NCKAP5: variants seen among roughly 807,000 people sequenced by gnomAD.
The protein encoded by NCKAP5 is NCK associated protein 5.
NCKAP5 carries 92 observed loss-of-function variants against 167.0 expected under a neutral mutation model. That is an observed-to-expected ratio of 0.55 (90% CI 0.47 to 0.66). The LOEUF is 0.66. Ranked by LOEUF, NCKAP5 falls within the 30% of genes least tolerant of loss-of-function variation. The pLI is 0.00. For synonymous variants in NCKAP5, 891 were observed against 877.4 expected, an observed-to-expected ratio of 1.02 and a Z score of -0.27; for missense variants, 2,378 against 2,315.0, an observed-to-expected ratio of 1.03 and a Z score of -0.56.
chr2:133,457,135 G>C (rs1691909238), intron 3 of NCKAP5, among the ~76,000 whole-genome samples: 1 of 152,150 alleles, frequency 6.6e-6, no homozygotes, highest in African/African-American at 2.4e-5. Context: ...GATTCCATCT[G>C]ACAAACTGAT....
chr2:132,813,440 G>A (rs540476234), intron 11 of NCKAP5, among the ~76,000 whole-genome samples: 14 of 152,194 alleles, frequency 9.2e-5, no homozygotes, highest in Admixed American at 7.2e-4. Flanking sequence ...TGTAGACACA[G>A]TGGACATTCA....
At chr2:132,990,404 C>T (rs1432947514) in intron 7 of NCKAP5, among the ~76,000 whole-genome samples, 1 of 152,216 alleles carries the variant, frequency 6.6e-6, no homozygotes, top group Non-Finnish European at 1.5e-5. Flanking sequence ...AGACCAATAT[C>T]TTCTGGGTAC....
chr2:133,389,544 G>C (rs190973731), intron 3 of NCKAP5, among the ~76,000 whole-genome samples: 4 of 152,314 alleles, frequency 2.6e-5, no homozygotes, highest in African/African-American at 7.2e-5. Flanking sequence ...ACATGGAAGA[G>C]CAGAAAACAA....
intron 5 of NCKAP5, among the ~76,000 whole-genome samples, chr2:133,210,176 A>AAT (rs2086146010): frequency 1.3e-5 from 2 of 148,256 alleles, no homozygotes; most frequent in Non-Finnish European, 3.0e-5. Flanking sequence ...AAAAATAAAT[A>AAT]ATATAATATA....
At chr2:133,176,293 T>G (rs1321913998) in intron 5 of NCKAP5, among the ~76,000 whole-genome samples, 1 of 152,222 alleles carries the variant, frequency 6.6e-6, no homozygotes, top group Non-Finnish European at 1.5e-5. Context: ...TATAAATGAA[T>G]TGCCATAACA....
At chr2:132,861,614 T>G (rs1024832957) in intron 10 of NCKAP5, among the ~76,000 whole-genome samples, 15 of 152,168 alleles carry the variant, frequency 9.9e-5, no homozygotes, top group Non-Finnish European at 2.2e-4. Context: ...CCACTGCCAC[T>G]TTTCCTTCTT....
the NCKAP5 span, among the ~76,000 whole-genome samples, chr2:133,658,064 C>T: frequency 3.3e-5 from 5 of 152,122 alleles, no homozygotes; most frequent in African/African-American, 9.7e-5. Context: ...GCTCATAGCC[C>T]TCCCCTAACA....
chr2:133,323,611 G>A (rs1682221459), intron 3 of NCKAP5, among the ~76,000 whole-genome samples: 1 of 152,206 alleles, frequency 6.6e-6, no homozygotes, highest in African/African-American at 2.4e-5. Context: ...GCTCTCATTA[G>A]TGCCAACTGC....
intron 11 of NCKAP5, among the ~76,000 whole-genome samples, chr2:132,819,418 T>C (rs556412948): frequency 1.3e-5 from 2 of 152,324 alleles, no homozygotes; most frequent in East Asian, 1.9e-4. Context: ...ATTTTAGCCC[T>C]GTGGTGAGCT....
intron 9 of NCKAP5, among the ~76,000 whole-genome samples, 192 bp downstream of exon 9, chr2:132,878,646 ACACACACACG>A (rs1468865370): frequency 8.2e-5 from 4 of 48,766 alleles, no homozygotes; most frequent in African/African-American, 2.2e-4. Flanking sequence ...ACACACACAC[ACACACACACG>A]CACGCATACA....
intron 16 of NCKAP5, among the ~76,000 whole-genome samples, chr2:132,754,445 A>G (rs1347915230): frequency 1.3e-5 from 2 of 152,362 alleles, no homozygotes; most frequent in Middle Eastern, 3.4e-3. Context: ...AGTCATGTTT[A>G]TATCTTCTGT....
intron 6 of NCKAP5, among the ~76,000 whole-genome samples, chr2:133,087,837 T>G (rs2081042874): frequency 6.6e-6 from 1 of 152,232 alleles, no homozygotes; most frequent in Admixed American, 6.5e-5. Flanking sequence ...TTCACTGCTT[T>G]TCACAACAAA....
chr2:133,213,613 T>C, intron 5 of NCKAP5, 103 bp downstream of exon 5: 1 of 1,114,896 alleles, frequency 9.0e-7, no homozygotes, highest in Non-Finnish European at 1.3e-6. Context: ...TTAAGTTTGC[T>C]GCAAGCAAAT....
At chr2:133,619,510 CT>C in the NCKAP5 span, among the ~76,000 whole-genome samples, 5,902 of 151,684 alleles carry the variant, frequency 0.039, 398 homozygotes, top group African/African-American at 0.14. Context: ...GAAGACAAGG[CT>C]TTTGAATTAA....
intron 5 of NCKAP5, among the ~76,000 whole-genome samples, chr2:133,194,044 G>A (rs892376452): frequency 5.3e-5 from 8 of 152,036 alleles, no homozygotes; most frequent in Admixed American, 4.6e-4. Context: ...ATATGCATAA[G>A]TGCATATGCG....
chr2:133,223,745 T>C (rs930747317), intron 4 of NCKAP5, among the ~76,000 whole-genome samples: 3 of 152,192 alleles, frequency 2.0e-5, no homozygotes, highest in Non-Finnish European at 4.4e-5. Context: ...AGTCGGTAAG[T>C]TTAGAGCGTG....
At chr2:133,102,919 G>C (rs976471440) in intron 6 of NCKAP5, among the ~76,000 whole-genome samples, 5 of 152,146 alleles carry the variant, frequency 3.3e-5, no homozygotes, top group South Asian at 2.1e-4. Flanking sequence ...GGAGACTTTC[G>C]AAATGCCACC....
In NCKAP5 at chr2:132,848,791, G is replaced by C. The variant is rs140334542; in HGVS notation, c.807+11701C>G. Among the ~76,000 whole-genome samples, 54 of 152,214 alleles carry C rather than the reference G, an allele frequency of 3.5e-4. 1 individual carries two copies. In the East Asian group the frequency reaches 9.9e-3, roughly 28 times the overall value. ...TGTGGTATGATCACACCTTTGAATA[G>C]TTGCTGCACTCCAGCCTGGGCAACA... is the stretch of plus-strand genomic sequence containing the variant. On this transcript the variant is annotated intron_variant, in intron 11 of 19. Transcript: ENST00000409261.
chr2:133,350,750 C>T (rs1024212065), intron 3 of NCKAP5, among the ~76,000 whole-genome samples: 2 of 152,110 alleles, frequency 1.3e-5, no homozygotes, highest in Non-Finnish European at 2.9e-5. Flanking sequence ...GTCCCCTTCT[C>T]GGTCTGAGCC....
Sources: gnomAD v4.1 joint callset for allele counts (sites outside exome capture counted in the v4.1 genomes callset) on GRCh38, gnomAD v4.1.1 for gene constraint, MANE v1.5 for transcripts, NCBI Gene and HGNC (gene_info 2026-07-23, HGNC 2026-07-21) for gene names.